The following GSG1L variants were observed in gnomAD, a reference collection of about 807,000 sequenced individuals.
GSG1L encodes the protein germ cell-specific gene 1-like protein.
GSG1L carries 24 observed loss-of-function variants against 42.1 expected under a neutral mutation model. That is an observed-to-expected ratio of 0.57 (90% CI 0.41 to 0.80). The LOEUF (loss-of-function observed/expected upper bound fraction) is 0.80. Ranked by LOEUF, GSG1L falls within the 30% of genes least tolerant of loss-of-function variation. The probability of loss-of-function intolerance (pLI) is 0.00; values close to 1 mark genes in which losing one functional copy is unlikely to be tolerated. For synonymous variants in GSG1L, 215 were observed against 203.5 expected, an observed-to-expected ratio of 1.06 and a Z score of -0.48; for missense variants, 445 against 472.2, an observed-to-expected ratio of 0.94 and a Z score of 0.53.
intron 1 of GSG1L, among the ~76,000 whole-genome samples, chr16:28,016,076 C>T (rs1197585170): frequency 6.6e-6 from 1 of 152,192 alleles, no homozygotes; most frequent in Non-Finnish European, 1.5e-5. Context: ...CTGCAGCCTC[C>T]ACCTCCAGGC....
At chr16:27,961,425 G>T (rs147303160) in intron 2 of GSG1L, among the ~76,000 whole-genome samples, 1 of 152,354 alleles carries the variant, frequency 6.6e-6, no homozygotes, top group East Asian at 1.9e-4. Flanking sequence ...ATCCCAGAAG[G>T]CTGCAGACAG....
At chr16:27,939,685 C>T (rs955617844) in intron 2 of GSG1L, among the ~76,000 whole-genome samples, 2 of 152,162 alleles carry the variant, frequency 1.3e-5, no homozygotes, top group Non-Finnish European at 2.9e-5. Context: ...CAGGCTGCCA[C>T]CTCTCCCCAC....
intron 1 of GSG1L, among the ~76,000 whole-genome samples, chr16:27,971,641 T>C (rs1343370120): frequency 1.3e-5 from 2 of 152,222 alleles, no homozygotes; most frequent in Admixed American, 6.5e-5. Flanking sequence ...TATTTCTTTT[T>C]CTTGCCTAAT....
intron 2 of GSG1L, among the ~76,000 whole-genome samples, chr16:27,956,324 G>T (rs2085005021): frequency 6.6e-6 from 1 of 152,164 alleles, no homozygotes; most frequent in East Asian, 1.9e-4. Context: ...CACTTTGGGA[G>T]AAATAAAGAT....
chr16:27,986,627 C>T (rs1460406151), intron 1 of GSG1L, among the ~76,000 whole-genome samples: 2 of 152,024 alleles, frequency 1.3e-5, no homozygotes, highest in Non-Finnish European at 2.9e-5. Context: ...CTTACTGGTG[C>T]GGGGTTACCC....
At chr16:28,038,243 T>C (rs1048942464) in intron 1 of GSG1L, among the ~76,000 whole-genome samples, 2 of 152,160 alleles carry the variant, frequency 1.3e-5, no homozygotes, top group African/African-American at 4.8e-5. Context: ...CCCAAGTAGC[T>C]GGAACCACAT....
At chr16:27,829,045 G>T in intron 4 of GSG1L, 89 bp from the exon 5 acceptor site, 1 of 1,277,948 alleles carries the variant, frequency 7.8e-7, no homozygotes, top group Non-Finnish European at 1.1e-6. Flanking sequence ...ATTCATCCCT[G>T]CATGGCTGCC....
intron 4 of GSG1L, among the ~76,000 whole-genome samples, chr16:27,836,108 G>A (rs1014481434): frequency 1.6e-4 from 24 of 151,982 alleles, no homozygotes; most frequent in African/African-American, 4.1e-4. Flanking sequence ...TTTTTGCCAC[G>A]TATAGAATTT....
rs199713292 is a variant in GSG1L at position 27,865,663 on chromosome 16, ATATC to A, written c.550+18819_550+18822del. On this transcript the variant is annotated intron_variant, in intron 3 of 6. Transcript: ENST00000447459. ...TATGTGTGTGTATGTATATATATAT[ATATC>A]TGTTTGTGCCCTAATCACTGGCAGT... Among the ~76,000 whole-genome samples, 506 of 148,186 alleles carry A rather than the reference ATATC, an allele frequency of 3.4e-3. 13 individuals are homozygous for A. Among genetic ancestry groups the A allele is most frequent in the Admixed American group, 0.032 (476 of 14,776 alleles).
In GSG1L at chr16:27,791,421, C is replaced by T; in HGVS notation, c.945G>A (p.Gln315=). The T allele has an allele frequency of 6.5e-7, 1 of 1,528,724 alleles. No homozygotes were observed. Among genetic ancestry groups the T allele is most frequent in the Non-Finnish European group, 8.8e-7 (1 of 1,133,472 alleles). 94.7% of individuals were successfully genotyped at this position (1,528,724 alleles called of 1,614,324 possible). ...ACTGTCGGTTCAGCTCTGGTGCTTC[C>T]TGTGCGGAGCTCCGGGGCCAGGAAT... ...MADSWPRSSA[Q]EAPELNRQCW... is the part of the protein sequence containing the mutation. The change falls in exon 7 of 7, where the codon CAG becomes CAA. Residue 315 remains glutamine (Q), a synonymous_variant. Transcript: ENST00000447459.
intron 1 of GSG1L, among the ~76,000 whole-genome samples, chr16:28,039,691 G>A (rs532506251): frequency 8.7e-5 from 13 of 149,380 alleles, no homozygotes; most frequent in South Asian, 6.4e-4. Context: ...ACATGCACGC[G>A]CACTACACAT....
intron 6 of GSG1L, among the ~76,000 whole-genome samples, chr16:27,806,888 T>A (rs2082969853): frequency 6.6e-6 from 1 of 152,188 alleles, no homozygotes. Context: ...AGATCAGGCA[T>A]GAAAAGCCCT....
chr16:28,062,655 C>G (rs1459762528), intron 1 of GSG1L, among the ~76,000 whole-genome samples: 17 of 152,174 alleles, frequency 1.1e-4, no homozygotes, highest in Admixed American at 1.1e-3. Flanking sequence ...ACCCCCACCC[C>G]CAGGGGCGTT....
intron 3 of GSG1L, among the ~76,000 whole-genome samples, chr16:27,866,255 T>C (rs1346725851): frequency 6.6e-6 from 1 of 152,190 alleles, no homozygotes; most frequent in Non-Finnish European, 1.5e-5. Flanking sequence ...GTCACTGTAA[T>C]ACCAAATCAT....
At position 28,028,231 on chromosome 16, in the gene GSG1L, GGCCA is replaced by G. The variant is rs147336951; in HGVS notation, c.349+34841_349+34844del. Among the ~76,000 whole-genome samples, 455 of 152,202 alleles carry G rather than the reference GGCCA, an allele frequency of 3.0e-3. 3 individuals carry two copies. The highest frequency in any genetic ancestry group is 9.9e-3 in the African/African-American group (413 of 41,512). ...CCTTATCTAGCCAGTGTAGTTGATGGGCCATGAAGGCCAAGGGAGTTATTACATG... is the reference window on the plus strand; with the variant it reads ...CCTTATCTAGCCAGTGTAGTTGATGGTGAAGGCCAAGGGAGTTATTACATG... On this transcript the variant is annotated intron_variant, in intron 1 of 6. Coordinates refer to ENST00000447459, the MANE Select transcript of GSG1L (RefSeq NM_001109763.2).
At chr16:27,819,207 G>A (rs924210864) in intron 5 of GSG1L, among the ~76,000 whole-genome samples, 3 of 151,076 alleles carry the variant, frequency 2.0e-5, no homozygotes, top group Admixed American at 6.6e-5. Context: ...CCAAGATCAC[G>A]CCACTGCACT....
At chr16:27,959,062 C>A (rs2085037685) in intron 2 of GSG1L, among the ~76,000 whole-genome samples, 1 of 152,102 alleles carries the variant, frequency 6.6e-6, no homozygotes, top group Admixed American at 6.5e-5. Flanking sequence ...TGGTTCCTGG[C>A]AAACAGCTGC....
chr16:27,975,822 A>G (rs1345273455), intron 1 of GSG1L, among the ~76,000 whole-genome samples: 1 of 152,202 alleles, frequency 6.6e-6, no homozygotes, highest in Non-Finnish European at 1.5e-5. Flanking sequence ...AGCACCTACT[A>G]TGTGCCAGTC....
intron 5 of GSG1L, among the ~76,000 whole-genome samples, chr16:27,819,173 C>T (rs775893276): frequency 2.6e-5 from 4 of 151,710 alleles, no homozygotes; most frequent in South Asian, 4.2e-4. Flanking sequence ...TCGCTTAAAC[C>T]GGGGAGGCAG....
Sources: gnomAD v4.1 joint callset for allele counts (sites outside exome capture counted in the v4.1 genomes callset) on GRCh38, gnomAD v4.1.1 for gene constraint, MANE v1.5 for transcripts, NCBI Gene and HGNC (gene_info 2026-07-23, HGNC 2026-07-21) for gene names.